CLSTN2: variants seen among roughly 807,000 people sequenced by gnomAD.
CLSTN2 encodes calsyntenin-2.
In CLSTN2, 48 loss-of-function variants were observed where a neutral mutation model predicts 101.2. That is an observed-to-expected ratio of 0.47 (90% CI 0.38 to 0.60). The LOEUF is 0.60. Among genes scored for constraint, CLSTN2 ranks in the 20% least tolerant of loss-of-function variants. The pLI is 0.00. For synonymous variants in CLSTN2, 481 were observed against 463.6 expected (o/e 1.04, Z -0.48); for missense variants, 1,160 against 1,238.2 (o/e 0.94, Z 0.95).
intron 1 of CLSTN2, among the ~76,000 whole-genome samples, chr3:139,989,825 C>T (rs1936087856): frequency 6.6e-6 from 1 of 152,202 alleles, no homozygotes; most frequent in South Asian, 2.1e-4. Flanking sequence ...TTCTTCCCTT[C>T]TGAAAGACTC....
intron 2 of CLSTN2, among the ~76,000 whole-genome samples, chr3:140,228,043 G>A (rs1343559382): frequency 1.3e-5 from 2 of 152,170 alleles, no homozygotes; most frequent in Non-Finnish European, 2.9e-5. Context: ...ATTAACATTT[G>A]TCTCCTCGTT....
At chr3:140,518,773 G>A (rs1934970797) in intron 8 of CLSTN2, among the ~76,000 whole-genome samples, 1 of 152,188 alleles carries the variant, frequency 6.6e-6, no homozygotes, top group African/African-American at 2.4e-5. Context: ...CACGACGTGA[G>A]CCTCCACATG....
intron 1 of CLSTN2, among the ~76,000 whole-genome samples, chr3:140,136,509 T>C (rs536843486): frequency 3.3e-5 from 5 of 152,352 alleles, no homozygotes; most frequent in East Asian, 1.9e-4. Flanking sequence ...ATTTTTATTA[T>C]GCGGTCTGTG....
At chr3:140,151,126 T>A (rs1418107857) in intron 1 of CLSTN2, among the ~76,000 whole-genome samples, 4 of 152,084 alleles carry the variant, frequency 2.6e-5, no homozygotes, top group Non-Finnish European at 2.9e-5. Flanking sequence ...GCTTAGCTAC[T>A]TGGCCTCAGA....
At chr3:140,529,984 A>C (rs1245900225) in intron 8 of CLSTN2, among the ~76,000 whole-genome samples, 2 of 152,188 alleles carry the variant, frequency 1.3e-5, no homozygotes, top group African/African-American at 4.8e-5. Context: ...TAGGAGTATA[A>C]ATAGGCGTAA....
At chr3:140,353,662 A>C (rs2087635600) in intron 2 of CLSTN2, among the ~76,000 whole-genome samples, 1 of 152,234 alleles carries the variant, frequency 6.6e-6, no homozygotes, top group Non-Finnish European at 1.5e-5. Context: ...TCCTAGAATC[A>C]ATTCCCATGG....
At chr3:140,158,656 C>T (rs961544911) in intron 1 of CLSTN2, among the ~76,000 whole-genome samples, 2 of 152,068 alleles carry the variant, frequency 1.3e-5, no homozygotes, top group Non-Finnish European at 2.9e-5. Flanking sequence ...CTACCAATGT[C>T]ATTTTTCACA....
At chr3:140,312,493 T>C (rs968824950) in intron 2 of CLSTN2, among the ~76,000 whole-genome samples, 1 of 152,254 alleles carries the variant, frequency 6.6e-6, no homozygotes, top group Non-Finnish European at 1.5e-5. Context: ...ATCTTTCGTC[T>C]ACAATTCTTT....
intron 1 of CLSTN2, among the ~76,000 whole-genome samples, chr3:140,107,865 G>A (rs1250092925): frequency 1.3e-5 from 2 of 152,178 alleles, no homozygotes; most frequent in Non-Finnish European, 2.9e-5. Flanking sequence ...AGACTGCAGA[G>A]ACATAGGTGT....
At chr3:140,269,115 C>T (rs890365321) in intron 2 of CLSTN2, among the ~76,000 whole-genome samples, 2 of 152,174 alleles carry the variant, frequency 1.3e-5, no homozygotes, top group Admixed American at 1.3e-4. Context: ...CATAGGCTTA[C>T]TCCTTATTTA....
chr3:140,204,609 G>C (rs2010756867), intron 2 of CLSTN2, among the ~76,000 whole-genome samples: 1 of 151,902 alleles, frequency 6.6e-6, no homozygotes, highest in African/African-American at 2.4e-5. Flanking sequence ...TACTGTCAAG[G>C]ACAAAACTTG....
At chr3:140,168,560 G>A (rs962504833) in intron 1 of CLSTN2, among the ~76,000 whole-genome samples, 1 of 151,744 alleles carries the variant, frequency 6.6e-6, no homozygotes, top group Non-Finnish European at 1.5e-5. Flanking sequence ...TTTTTTTGGA[G>A]CCTTCTAATC....
Position 140,562,225 on chromosome 3 carries a change from A to T in CLSTN2, c.2129A>T (p.Gln710Leu), listed in dbSNP as rs1444095965. Residue 710 changes from glutamine to leucine, a missense_variant, in exon 13 of 17, where the codon CAG becomes CTG. Coordinates refer to ENST00000458420, the MANE Select transcript of CLSTN2 (RefSeq NM_022131.3). ...ATCGGAGGGGACTTGGACCCAAGGC[A>T]GGAGTGCTTGGAGCTCAACCACAGT... Reference protein sequence around the residue: ...LVIGGDLDPRQECLELNHSEL... With the variant: ...LVIGGDLDPRLECLELNHSEL... 1 of 1,613,936 alleles carries T rather than the reference A, an allele frequency of 6.2e-7. No homozygotes were observed. The highest frequency in any genetic ancestry group is 2.2e-5 in the East Asian group (1 of 44,860).
chr3:140,357,255 G>T (rs892618523), intron 2 of CLSTN2, among the ~76,000 whole-genome samples: 5 of 152,002 alleles, frequency 3.3e-5, no homozygotes, highest in African/African-American at 4.8e-5. Flanking sequence ...ATTCATTATA[G>T]CCCACGAATC....
intron 8 of CLSTN2, among the ~76,000 whole-genome samples, chr3:140,518,461 T>TAGAG (rs1372237831): frequency 1.3e-5 from 2 of 152,204 alleles, no homozygotes; most frequent in Non-Finnish European, 2.9e-5. Flanking sequence ...CCTGGGATCT[T>TAGAG]AGAGAGCCCC....
Position 140,564,080 on chromosome 3 carries a change from G to C in CLSTN2, c.2602G>C (p.Ala868Pro). Residue 868 changes from alanine to proline, a missense_variant, in exon 16 of 17, where the codon GCT becomes CCT. Ala to Pro is a conservative substitution (Grantham distance 27). Coordinates refer to ENST00000458420, the MANE Select transcript of CLSTN2 (RefSeq NM_022131.3). The stretch of plus-strand genomic sequence containing the variant: ...CCAGCACTTCATCCAGGAGACTGAG[G>C]CTGCCAAGGAATCTGAGATGGACTG... ...AHQHFIQETE[A>P]AKESEMDWDD... 2 of 1,614,158 alleles carry C rather than the reference G, an allele frequency of 1.2e-6. No homozygotes were observed. The highest frequency in any genetic ancestry group is 1.7e-6 in the Non-Finnish European group (2 of 1,180,020).
chr3:140,062,749 C>T lies in CLSTN2; in HGVS notation c.110-113202C>T, dbSNP rs961880038. Among the ~76,000 whole-genome samples, 9 of 152,230 alleles carry T rather than the reference C, an allele frequency of 5.9e-5. No homozygotes were observed. In the East Asian group the frequency reaches 1.5e-3, roughly 26 times the overall value. On this transcript the variant is annotated intron_variant, in intron 1 of 16. Coordinates refer to ENST00000458420, the MANE Select transcript of CLSTN2 (RefSeq NM_022131.3). ...CTAGTAGGGTGGGAAAACTTGGGTT[C>T]TTGTCCCAGCTCTGCTGTGTGACCT...
chr3:140,189,468 T>C (rs1325253150), intron 2 of CLSTN2, among the ~76,000 whole-genome samples: 1 of 152,218 alleles, frequency 6.6e-6, no homozygotes, highest in Non-Finnish European at 1.5e-5. Flanking sequence ...TATCTCATTG[T>C]GGTTTTAATT....
At chr3:140,276,755 G>A (rs1482601057) in intron 2 of CLSTN2, among the ~76,000 whole-genome samples, 1 of 152,194 alleles carries the variant, frequency 6.6e-6, no homozygotes, top group Non-Finnish European at 1.5e-5. Flanking sequence ...AACTAGTATG[G>A]TTGGTCTCCA....
Sources: allele counts gnomAD v4.1 joint callset (sites outside exome capture counted in the v4.1 genomes callset), GRCh38; gene constraint gnomAD v4.1.1; transcripts MANE v1.5; gene names NCBI Gene and HGNC (gene_info 2026-07-23, HGNC 2026-07-21).